The following GRID2 variants were observed in gnomAD, a reference collection of about 807,000 sequenced individuals.
GRID2 encodes the protein glutamate receptor ionotropic, delta-2.
In GRID2, 33 loss-of-function variants were observed where a neutral mutation model predicts 114.8. The observed-to-expected ratio is 0.29, with a 90% confidence interval of 0.22 to 0.38. GRID2 has a LOEUF of 0.38. Among genes scored for constraint, GRID2 ranks in the 10% least tolerant of loss-of-function variants. The pLI is 1.00. For missense variants in GRID2, 1,184 were observed against 1,257.7 expected (o/e 0.94, Z 0.89); for synonymous variants, 505 against 449.9 (o/e 1.12, Z -1.55).
intron 1 of GRID2, among the ~76,000 whole-genome samples, chr4:93,805,170 C>T (rs1388473573): frequency 2.0e-5 from 3 of 152,140 alleles, no homozygotes; most frequent in African/African-American, 7.2e-5. Flanking sequence ...CTAAATGTTT[C>T]TTTATGTAGC....
At position 93,066,810 on chromosome 4, in the gene GRID2, C is replaced by T. The variant is rs185049344; in HGVS notation, c.245-18185C>T. Reference sequence around the variant, plus strand: ...TCAAATTGCCAGCATTGCTCTTGCACTTTGGGGCCACTATGACGTAAAATA... The same window carrying T: ...TCAAATTGCCAGCATTGCTCTTGCATTTTGGGGCCACTATGACGTAAAATA... On this transcript the variant is annotated intron_variant, in intron 2 of 15. Coordinates refer to ENST00000282020, the MANE Select transcript of GRID2 (RefSeq NM_001510.4). Among the ~76,000 whole-genome samples the T allele has an allele frequency of 3.9e-5, 6 of 152,004 alleles. No homozygotes were observed. The East Asian group carries it at 1.2e-3, about 29-fold the overall frequency.
At chr4:92,687,614 G>A (rs893151372) in intron 2 of GRID2, among the ~76,000 whole-genome samples, 2 of 152,124 alleles carry the variant, frequency 1.3e-5, no homozygotes, top group Admixed American at 6.5e-5. Flanking sequence ...CGGATCATGA[G>A]GTGAGGAGAT....
chr4:92,972,133 A>G (rs529559931), intron 2 of GRID2, among the ~76,000 whole-genome samples: 2 of 151,360 alleles, frequency 1.3e-5, no homozygotes, highest in South Asian at 4.2e-4. Context: ...TGTTCTCCAT[A>G]GCAGCTGTAC....
chr4:92,757,184 CA>C (rs1281752910), intron 2 of GRID2, among the ~76,000 whole-genome samples: 2 of 151,978 alleles, frequency 1.3e-5, no homozygotes. Context: ...CCAGTTTTCC[CA>C]AAACCATTTA....
chr4:93,438,439 T>C (rs1721311461), intron 10 of GRID2, among the ~76,000 whole-genome samples: 1 of 152,088 alleles, frequency 6.6e-6, no homozygotes, highest in Admixed American at 6.6e-5. Context: ...ATAAATAGTT[T>C]GCACTTTATC....
At chr4:93,099,027 G>GTGTA (rs1449441214) in intron 3 of GRID2, among the ~76,000 whole-genome samples, 2 of 149,506 alleles carry the variant, frequency 1.3e-5, no homozygotes, top group African/African-American at 4.9e-5. Flanking sequence ...GTGTGTGTGT[G>GTGTA]TATGATACAC....
intron 1 of GRID2, among the ~76,000 whole-genome samples, chr4:92,485,348 A>C (rs200854259): frequency 4.0e-5 from 2 of 49,518 alleles, no homozygotes; most frequent in Admixed American, 2.0e-4. Context: ...ATATATATAT[A>C]GTGTGTGTGT....
chr4:93,535,231 T>TACACACACACACAC (rs141785727), intron 13 of GRID2, among the ~76,000 whole-genome samples: 3 of 142,178 alleles, frequency 2.1e-5, no homozygotes, highest in Admixed American at 7.1e-5. Flanking sequence ...CACATACACA[T>TACACACACACACAC]ACACACACAC....
chr4:93,734,117 T>G (rs972993219), intron 14 of GRID2, among the ~76,000 whole-genome samples: 6 of 152,074 alleles, frequency 3.9e-5, no homozygotes, highest in African/African-American at 1.4e-4. Flanking sequence ...GTCAAAGCAT[T>G]TATTTGTAAA....
intron 2 of GRID2, among the ~76,000 whole-genome samples, chr4:92,964,484 G>A (rs1753013076): frequency 1.3e-5 from 2 of 151,910 alleles, no homozygotes; most frequent in Admixed American, 1.3e-4. Flanking sequence ...AACCACCATG[G>A]CACATGTATA....
At chr4:93,692,295 G>A (rs557710873) in intron 14 of GRID2, among the ~76,000 whole-genome samples, 15 of 152,196 alleles carry the variant, frequency 9.9e-5, no homozygotes, top group African/African-American at 3.6e-4. Flanking sequence ...GAGGAAGCCA[G>A]CCACATGGAT....
intron 2 of GRID2, among the ~76,000 whole-genome samples, chr4:93,006,163 C>G (rs982910673): frequency 6.6e-6 from 1 of 152,002 alleles, no homozygotes; most frequent in Non-Finnish European, 1.5e-5. Flanking sequence ...GCATAACTAC[C>G]CACAAAAACA....
At chr4:92,681,505 A>C (rs182532650) in intron 2 of GRID2, among the ~76,000 whole-genome samples, 4 of 152,132 alleles carry the variant, frequency 2.6e-5, no homozygotes, top group African/African-American at 9.6e-5. Context: ...TTATGGCTGC[A>C]CAGGAAGGGG....
At chr4:93,306,985 T>A (rs1013527970) in intron 8 of GRID2, among the ~76,000 whole-genome samples, 1 of 152,084 alleles carries the variant, frequency 6.6e-6, no homozygotes, top group East Asian at 1.9e-4. Flanking sequence ...ATTACGAGGT[T>A]AGGAGTTTAA....
At chr4:93,481,286 G>A (rs1725837485) in intron 11 of GRID2, among the ~76,000 whole-genome samples, 1 of 152,046 alleles carries the variant, frequency 6.6e-6, no homozygotes, top group African/African-American at 2.4e-5. Flanking sequence ...GAAGTGGTGA[G>A]AGGTTGCTTC....
chr4:92,535,058 A>T (rs36065598), intron 1 of GRID2, among the ~76,000 whole-genome samples: 2 of 152,030 alleles, frequency 1.3e-5, no homozygotes, highest in Admixed American at 1.3e-4. Context: ...TGAATATAAC[A>T]GTGAATTCTC....
chr4:92,813,497 T>G (rs1443282942), intron 2 of GRID2, among the ~76,000 whole-genome samples: 2 of 152,158 alleles, frequency 1.3e-5, no homozygotes, highest in Admixed American at 6.6e-5. Context: ...AACATTCAAT[T>G]CATAACACCT....
intron 9 of GRID2, among the ~76,000 whole-genome samples, chr4:93,396,208 G>A (rs905794354): frequency 6.6e-6 from 1 of 151,916 alleles, no homozygotes; most frequent in South Asian, 2.1e-4. Context: ...ATCTACTGTC[G>A]ACTGTATTCC....
intron 9 of GRID2, among the ~76,000 whole-genome samples, chr4:93,396,959 T>G (rs1323421022): frequency 1.3e-5 from 2 of 152,006 alleles, no homozygotes; most frequent in Non-Finnish European, 2.9e-5. Flanking sequence ...GTCTACTTGT[T>G]TTTAATTTTG....
Sources: allele counts gnomAD v4.1 joint callset (sites outside exome capture counted in the v4.1 genomes callset), GRCh38; gene constraint gnomAD v4.1.1; transcripts MANE v1.5; gene names NCBI Gene and HGNC (gene_info 2026-07-23, HGNC 2026-07-21).